The following EMSY variants were observed in gnomAD, a reference collection of about 807,000 sequenced individuals.
EMSY encodes the protein BRCA2-interacting transcriptional repressor EMSY.
In EMSY, 26 loss-of-function variants were observed where a neutral mutation model predicts 134.6. That is an observed-to-expected ratio of 0.19 (90% CI 0.14 to 0.27). The LOEUF (loss-of-function observed/expected upper bound fraction) is 0.27. EMSY is among the 10% of genes least tolerant of loss of function. The pLI is 1.00. For synonymous variants in EMSY, 579 were observed against 577.8 expected (o/e 1.00, Z -0.03); for missense variants, 1,305 against 1,611.4 (o/e 0.81, Z 3.26).
intron 14 of EMSY, among the ~76,000 whole-genome samples, chr11:76,529,981 A>G (rs1422645952): frequency 1.3e-5 from 2 of 152,102 alleles, no homozygotes; most frequent in Non-Finnish European, 2.9e-5. Flanking sequence ...TATATTTTCA[A>G]AGAGGGCAGA....
chr11:76,516,672 T>C (rs542715436), intron 11 of EMSY: 273 of 160,522 alleles, frequency 1.7e-3, no homozygotes, highest in Non-Finnish European at 3.0e-3. Context: ...AATTTACAAA[T>C]GAAGATAGAT....
intron 14 of EMSY, among the ~76,000 whole-genome samples, chr11:76,531,005 C>T (rs1489713334): frequency 6.6e-6 from 1 of 152,062 alleles, no homozygotes; most frequent in South Asian, 2.1e-4. Flanking sequence ...TACTCTTTAC[C>T]TAGATTCACT....
At chr11:76,511,285 A>G (rs1308559200) in intron 9 of EMSY, among the ~76,000 whole-genome samples, 1 of 152,206 alleles carries the variant, frequency 6.6e-6, no homozygotes. Context: ...CTAGAAAATT[A>G]CCTATTTGAT....
chr11:76,531,687 T>C (rs930203579), intron 14 of EMSY, among the ~76,000 whole-genome samples: 1 of 152,206 alleles, frequency 6.6e-6, no homozygotes, highest in Non-Finnish European at 1.5e-5. Flanking sequence ...AGGTACATGA[T>C]ATAAATATCA....
chr11:76,489,164 G>A (rs568461346), intron 8 of EMSY, among the ~76,000 whole-genome samples: 13 of 152,342 alleles, frequency 8.5e-5, no homozygotes, highest in Admixed American at 7.8e-4. Context: ...AAAGAGGAGG[G>A]CAGAGGAGAA....
At chr11:76,515,076 T>G (rs996956930) in intron 10 of EMSY, among the ~76,000 whole-genome samples, 15 of 151,748 alleles carry the variant, frequency 9.9e-5, no homozygotes, top group African/African-American at 3.6e-4. Context: ...TTGTGGGTTT[T>G]TTTTTTTTTT....
downstream of EMSY, chr11:76,552,076 T>A (rs1238892396): frequency 6.6e-6 from 1 of 152,228 alleles, no homozygotes; most frequent in Non-Finnish European, 1.5e-5. Flanking sequence ...TACATTTTTT[T>A]AAAGAATTAC....
At chr11:76,446,265 A>AT (rs1947387078) in intron 1 of EMSY, among the ~76,000 whole-genome samples, 1 of 151,554 alleles carries the variant, frequency 6.6e-6, no homozygotes, top group Non-Finnish European at 1.5e-5. Flanking sequence ...TAATAACTAC[A>AT]GGATCAAAAT....
intron 10 of EMSY, among the ~76,000 whole-genome samples, chr11:76,515,567 C>T (rs1299607141): frequency 6.6e-6 from 1 of 152,098 alleles, no homozygotes; most frequent in African/African-American, 2.4e-5. Flanking sequence ...ATATTCCTGG[C>T]AACTCTAGGC....
chr11:76,540,991 G>A (rs1011071351), intron 17 of EMSY, among the ~76,000 whole-genome samples: 80 of 152,164 alleles, frequency 5.3e-4, no homozygotes, highest in African/African-American at 1.8e-3. Context: ...TTGGGAGGCC[G>A]AGGTGGGTGG....
intron 13 of EMSY, among the ~76,000 whole-genome samples, chr11:76,527,587 A>G (rs1158738260): frequency 3.3e-5 from 5 of 152,082 alleles, no homozygotes; most frequent in Admixed American, 6.5e-5. Context: ...CCCAGTTTGA[A>G]AATTTTCTCC....
intron 11 of EMSY, among the ~76,000 whole-genome samples, chr11:76,519,114 G>A (rs934299025): frequency 6.7e-6 from 1 of 149,916 alleles, no homozygotes; most frequent in Non-Finnish European, 1.5e-5. Flanking sequence ...ACCTAGGCTG[G>A]AATGCAGTGG....
intron 9 of EMSY, among the ~76,000 whole-genome samples, chr11:76,503,194 G>C (rs1388609791): frequency 6.6e-6 from 1 of 151,372 alleles, no homozygotes; most frequent in Admixed American, 6.6e-5. Context: ...CCAGCTACTC[G>C]GGAGGCTGAG....
At chr11:76,530,242 C>T (rs544503796) in intron 14 of EMSY, among the ~76,000 whole-genome samples, 218 of 149,224 alleles carry the variant, frequency 1.5e-3, no homozygotes, top group African/African-American at 5.3e-3. Flanking sequence ...TCACTGCAAC[C>T]TCCGTCTCCT....
intron 4 of EMSY, among the ~76,000 whole-genome samples, chr11:76,455,789 T>TAC (rs1565273340): frequency 6.6e-6 from 1 of 152,220 alleles, no homozygotes; most frequent in Non-Finnish European, 1.5e-5. Flanking sequence ...GTCAGAATGT[T>TAC]ACAGTATTAA....
At chr11:76,529,988 C>A (rs1203757849) in intron 14 of EMSY, among the ~76,000 whole-genome samples, 1 of 151,878 alleles carries the variant, frequency 6.6e-6, no homozygotes, top group African/African-American at 2.4e-5. Flanking sequence ...TCAAAGAGGG[C>A]AGATAAAATG....
At chr11:76,447,136 C>A in intron 2 of EMSY, 128 bp downstream of exon 2, 1 of 814,796 alleles carries the variant, frequency 1.2e-6, no homozygotes. Context: ...ATACAGTTCC[C>A]ATCTTACTCA....
downstream of EMSY, chr11:76,552,733 C>G (rs1404713809): frequency 6.6e-6 from 1 of 152,098 alleles, no homozygotes; most frequent in Non-Finnish European, 1.5e-5. Context: ...GTTGGGCAAG[C>G]CATTACCACA....
At chr11:76,547,992 G>T (rs76086397) in intron 20 of EMSY, among the ~76,000 whole-genome samples, 2,512 of 152,260 alleles carry the variant, frequency 0.016, 47 homozygotes, top group East Asian at 0.09. Flanking sequence ...TATCCACTAT[G>T]TAACAGCACT....
Sources: allele counts gnomAD v4.1 joint callset (sites outside exome capture counted in the v4.1 genomes callset), GRCh38; gene constraint gnomAD v4.1.1; transcripts MANE v1.5; gene names NCBI Gene and HGNC (gene_info 2026-07-23, HGNC 2026-07-21).